Variants in SGCZ observed in about 807,000 individuals in gnomAD.
The protein encoded by SGCZ is zeta-sarcoglycan.
A neutral mutation model predicts 41.3 loss-of-function variants in SGCZ; 40 were observed. The ratio of observed to expected loss-of-function variants is 0.97; its 90% CI spans 0.75 to 1.26. The LOEUF (loss-of-function observed/expected upper bound fraction) is 1.26, where lower values mean the gene tolerates loss of function less well. SGCZ is among the 50% of genes most tolerant of loss of function. The pLI, the probability that SGCZ is intolerant of heterozygous loss-of-function variation, is 0.00. For synonymous variants in SGCZ, 206 were observed against 137.5 expected, an observed-to-expected ratio of 1.50 and a Z score of -3.49; for missense variants, 552 against 369.8, an observed-to-expected ratio of 1.49 and a Z score of -4.04.
intron 2 of SGCZ, among the ~76,000 whole-genome samples, chr8:14,449,547 A>G (rs1399565684): frequency 6.6e-6 from 1 of 152,102 alleles, no homozygotes; most frequent in African/African-American, 2.4e-5. Flanking sequence ...GGATATACTA[A>G]GGCTTTATAT....
intron 1 of SGCZ, among the ~76,000 whole-genome samples, chr8:15,056,201 T>C (rs1804694650): frequency 6.6e-6 from 1 of 152,202 alleles, no homozygotes; most frequent in Non-Finnish European, 1.5e-5. Flanking sequence ...GACTCTTTCC[T>C]TCCAGACCCT....
intron 2 of SGCZ, among the ~76,000 whole-genome samples, chr8:14,508,375 G>T (rs1802370506): frequency 1.3e-5 from 2 of 152,044 alleles, no homozygotes; most frequent in African/African-American, 4.8e-5. Flanking sequence ...ATATTGTTGA[G>T]GGACTAAATG....
At chr8:14,731,248 A>T (rs1810229602) in intron 1 of SGCZ, among the ~76,000 whole-genome samples, 1 of 150,418 alleles carries the variant, frequency 6.6e-6, no homozygotes, top group African/African-American at 2.5e-5. Flanking sequence ...ACATGGATGA[A>T]GCTGGAAACC....
chr8:14,098,847 A>C (rs937378360), intron 7 of SGCZ, among the ~76,000 whole-genome samples: 3 of 152,116 alleles, frequency 2.0e-5, no homozygotes, highest in Admixed American at 6.6e-5. Flanking sequence ...AGGCCTCATC[A>C]ATGGAGTAAA....
chr8:15,204,902 G>C (rs1201093762), intron 1 of SGCZ, among the ~76,000 whole-genome samples: 1 of 152,124 alleles, frequency 6.6e-6, no homozygotes, highest in African/African-American at 2.4e-5. Context: ...AAATTTCACA[G>C]ACATTAAAAA....
At chr8:14,845,968 C>T (rs533711062) in intron 1 of SGCZ, among the ~76,000 whole-genome samples, 16 of 152,120 alleles carry the variant, frequency 1.1e-4, no homozygotes, top group East Asian at 1.9e-4. Context: ...TGATGATAAA[C>T]GGGTCAGTTC....
intron 1 of SGCZ, among the ~76,000 whole-genome samples, chr8:14,609,324 A>G (rs1164934540): frequency 6.6e-6 from 1 of 152,226 alleles, no homozygotes; most frequent in African/African-American, 2.4e-5. Flanking sequence ...GAAATAAATT[A>G]GTTTCTCTGT....
intron 3 of SGCZ, among the ~76,000 whole-genome samples, chr8:14,320,242 CATG>C (rs1294706900): frequency 6.6e-6 from 1 of 151,104 alleles, no homozygotes; most frequent in East Asian, 1.9e-4. Flanking sequence ...TAATGATAAC[CATG>C]ATAATACAAT....
At chr8:14,214,884 TGAG>T (rs1304486384) in intron 4 of SGCZ, among the ~76,000 whole-genome samples, 1 of 151,944 alleles carries the variant, frequency 6.6e-6, no homozygotes, top group Non-Finnish European at 1.5e-5. Flanking sequence ...ATGATAGAGT[TGAG>T]GAGAAAAAAT....
intron 1 of SGCZ, among the ~76,000 whole-genome samples, chr8:15,008,375 C>G (rs1363110248): frequency 1.3e-5 from 2 of 151,120 alleles, no homozygotes; most frequent in African/African-American, 4.9e-5. Flanking sequence ...TTGAAGGAGC[C>G]TTAGAAATGT....
chr8:15,177,044 CTA>C (rs1383902562), intron 1 of SGCZ, among the ~76,000 whole-genome samples: 1 of 152,088 alleles, frequency 6.6e-6, no homozygotes, highest in Non-Finnish European at 1.5e-5. Context: ...TATATGAAAA[CTA>C]TATGTTAACA....
chr8:14,577,106 A>T (rs982264664), intron 1 of SGCZ, among the ~76,000 whole-genome samples: 1 of 152,224 alleles, frequency 6.6e-6, no homozygotes, highest in Non-Finnish European at 1.5e-5. Context: ...CTAACATATC[A>T]CTAAACACCT....
intron 1 of SGCZ, among the ~76,000 whole-genome samples, chr8:15,049,761 A>G (rs532881324): frequency 2.1e-4 from 32 of 152,258 alleles, no homozygotes; most frequent in Admixed American, 9.8e-4. Context: ...CAAGGTTATG[A>G]TAACTAAATC....
chr8:14,282,943 G>A (rs1198347836), intron 3 of SGCZ, among the ~76,000 whole-genome samples: 2 of 132,634 alleles, frequency 1.5e-5, no homozygotes, highest in Admixed American at 9.0e-5. Context: ...TCCGCCTCCA[G>A]GGTTCACGCC....
intron 2 of SGCZ, among the ~76,000 whole-genome samples, chr8:14,481,682 A>G (rs1472351698): frequency 6.6e-6 from 1 of 152,130 alleles, no homozygotes; most frequent in East Asian, 1.9e-4. Context: ...ATTACCTAAC[A>G]TTTGAATTTT....
chr8:14,553,070 G>T (rs1803921916), intron 2 of SGCZ, among the ~76,000 whole-genome samples: 1 of 152,028 alleles, frequency 6.6e-6, no homozygotes, highest in Non-Finnish European at 1.5e-5. Flanking sequence ...TAGTCTGGTT[G>T]CTATTTAAAG....
chr8:14,128,194 A>C (rs943852325), intron 5 of SGCZ, among the ~76,000 whole-genome samples: 1 of 152,204 alleles, frequency 6.6e-6, no homozygotes, highest in African/African-American at 2.4e-5. Flanking sequence ...ACCACCATTA[A>C]AAAATGGGCA....
intron 1 of SGCZ, among the ~76,000 whole-genome samples, chr8:14,751,542 T>C (rs1036987051): frequency 6.6e-6 from 1 of 152,148 alleles, no homozygotes; most frequent in African/African-American, 2.4e-5. Flanking sequence ...TTACACATCA[T>C]ATGTATTAGG....
chr8:14,180,226 G>T (rs898248245), intron 4 of SGCZ, among the ~76,000 whole-genome samples: 1 of 152,090 alleles, frequency 6.6e-6, no homozygotes. Flanking sequence ...CGAGTTGAAG[G>T]CCTCCTAGCC....
Sources: allele counts gnomAD v4.1 joint callset (sites outside exome capture counted in the v4.1 genomes callset), GRCh38; gene constraint gnomAD v4.1.1; transcripts MANE v1.5; gene names NCBI Gene and HGNC (gene_info 2026-07-23, HGNC 2026-07-21).